NPC1: variants seen among roughly 807,000 people sequenced by gnomAD.
The protein encoded by NPC1 is NPC intracellular cholesterol transporter 1.
A neutral mutation model predicts 140.4 loss-of-function variants in NPC1; 85 were observed. That is an observed-to-expected ratio of 0.61 (90% confidence interval 0.51 to 0.72). NPC1 has a LOEUF of 0.72. Among genes scored for constraint, NPC1 ranks in the 30% least tolerant of loss-of-function variants. The pLI, the probability that NPC1 is intolerant of heterozygous loss-of-function variation, is 0.00. For missense variants in NPC1, 1,504 were observed against 1,623.8 expected (o/e 0.93, Z 1.27); for synonymous variants, 656 against 624.8 (o/e 1.05, Z -0.74).
chr18:23,527,928 G>C (rs142968496), downstream of NPC1: 1,489 of 1,544,750 alleles, frequency 9.6e-4, 13 homozygotes, highest in African/African-American at 0.018. Context: ...ATGACAAAGG[G>C]TCCTCCTCCC....
chr18:23,523,945 T>C (rs891387), intron 1 of NPC1, among the ~76,000 whole-genome samples: 84,424 of 151,984 alleles, frequency 0.56, 24,251 homozygotes, highest in East Asian at 0.91. Flanking sequence ...CCTGGATTGT[T>C]AGCTCCTTCC....
At chr18:23,525,969 A>G (rs946778604), downstream of NPC1, among the ~76,000 whole-genome samples, 1 of 152,146 alleles carries the variant, frequency 6.6e-6, no homozygotes, top group African/African-American at 2.4e-5. Context: ...CATCCACTGT[A>G]TGTATGTAAT....
chr18:23,531,853 C>T lies in NPC1; in HGVS notation c.*349G>A, dbSNP rs886053663. On this transcript the variant is annotated 3_prime_UTR_variant, in exon 25 of 25. Transcript: ENST00000269228. ...TATAGAACTTGTGGGATGGCTTACT[C>T]CTAAAAGGAGAGACAGACAGTGCAT... is the stretch of plus-strand genomic sequence containing the variant. The T allele has an allele frequency of 3.4e-6, 5 of 1,454,426 alleles. No individual in the cohort carries two copies. Among genetic ancestry groups the T allele is most frequent in the Non-Finnish European group, 9.0e-7 (1 of 1,112,050 alleles). The allele number at this position is 1,454,426 out of a possible 1,614,324, so 90.1% of individuals were successfully genotyped here.
chr18:23,584,812 T>C (rs2059396806), intron 1 of NPC1, among the ~76,000 whole-genome samples: 2 of 152,120 alleles, frequency 1.3e-5, no homozygotes, highest in Non-Finnish European at 1.5e-5. Context: ...TGAGCCGAGA[T>C]TGCGCCACTA....
intron 3 of NPC1, chr18:23,507,171 T>C (rs2057736836): frequency 1.5e-6 from 1 of 686,838 alleles, no homozygotes; most frequent in Non-Finnish European, 2.5e-6. Flanking sequence ...TTGTGAAAGG[T>C]ATAGTTATGT....
At chr18:23,518,909 CTCT>C (rs751028946), downstream of NPC1, 4 of 1,614,078 alleles carry the variant, frequency 2.5e-6, no homozygotes, top group African/African-American at 2.7e-5. Flanking sequence ...GCTGTATGTT[CTCT>C]TCTTGAGGCA....
At chr18:23,577,758 G>T (rs1205442810) in intron 1 of NPC1, among the ~76,000 whole-genome samples, 1 of 152,250 alleles carries the variant, frequency 6.6e-6, no homozygotes, top group Non-Finnish European at 1.5e-5. Context: ...CGGGCTGCAG[G>T]TCCCGAGCCC....
chr18:23,525,645 G>C (rs565799137), downstream of NPC1, among the ~76,000 whole-genome samples: 46 of 151,984 alleles, frequency 3.0e-4, 1 homozygote, highest in Middle Eastern at 6.8e-3. Context: ...GGATGGTCTC[G>C]ATCTCCTGAC....
chr18:23,553,703 C>A (rs2058907706), intron 9 of NPC1, among the ~76,000 whole-genome samples: 1 of 152,186 alleles, frequency 6.6e-6, no homozygotes, highest in Admixed American at 6.6e-5. Flanking sequence ...GTAGGCCCAT[C>A]CGGCATCATG....
Position 23,539,449 on chromosome 18 carries a change from G to C in NPC1, c.2817C>G (p.Pro939=), listed in dbSNP as rs747681496. The C allele has an allele frequency of 1.2e-5, 20 of 1,613,140 alleles. No homozygotes were observed. The highest frequency in any genetic ancestry group is 1.7e-5 in the Non-Finnish European group (20 of 1,179,536). The change falls in exon 19 of 25, where the codon CCC becomes CCG. Residue 939 remains proline (P), a synonymous_variant. Transcript: ENST00000269228. ...LDNYTRIGFA[P]SSWIDDYFDW... ...CGAAATAATCGTCGATCCAGGACGA[G>C]GGGGCGAAGCCTATTCGGGTACTAG...
intron 1 of NPC1, among the ~76,000 whole-genome samples, chr18:23,574,518 A>G (rs2059247595): frequency 6.6e-6 from 1 of 152,228 alleles, no homozygotes. Flanking sequence ...TGACCTGCAC[A>G]CAGGCAAGAA....
chr18:23,567,543 AAC>A (rs1315060317), intron 4 of NPC1, among the ~76,000 whole-genome samples: 1 of 152,168 alleles, frequency 6.6e-6, no homozygotes, highest in Non-Finnish European at 1.5e-5. Context: ...AGTCCTTACT[AAC>A]ATGTCTTTTG....
chr18:23,573,375 A>G lies in NPC1; in HGVS notation c.180+77T>C, dbSNP rs974618938. 1.5e-5 allele frequency: 24 copies of G among 1,601,396 alleles called. No homozygotes were observed. The Admixed American group carries it at 3.0e-4, about 20-fold the overall frequency. The stretch of plus-strand genomic sequence containing the variant: ...GTCTCATCTCCACCTCCACCCTGCA[A>G]TAACATTTAAGGAATAATTACAGAG... On this transcript the variant is annotated intron_variant, in intron 2 of 24. Coordinates refer to ENST00000269228, the MANE Select transcript of NPC1 (RefSeq NM_000271.5).
downstream of NPC1, chr18:23,520,317 A>T (rs2058110130): frequency 6.2e-7 from 1 of 1,608,444 alleles, no homozygotes; most frequent in South Asian, 1.1e-5. Context: ...ATCACAGGTA[A>T]CACGGGTTCT....
chr18:23,533,777 G>C (rs2058580184), intron 23 of NPC1: 2 of 478,198 alleles, frequency 4.2e-6, no homozygotes, highest in Non-Finnish European at 7.6e-6. Context: ...AAGTGCTGGG[G>C]TTATAGGCAT....
intron 21 of NPC1, among the ~76,000 whole-genome samples, chr18:23,536,237 A>G (rs945401520): frequency 6.6e-6 from 1 of 152,170 alleles, no homozygotes; most frequent in African/African-American, 2.4e-5. Flanking sequence ...AGTAGTTCAT[A>G]CATAATACTT....
chr18:23,549,742 CTTTTTT>C (rs1000073339), intron 10 of NPC1, among the ~76,000 whole-genome samples: 1 of 138,006 alleles, frequency 7.2e-6, no homozygotes, highest in African/African-American at 2.7e-5. Context: ...TTTTTCACAA[CTTTTTT>C]TTTTTTTTTT....
In NPC1 at chr18:23,539,924, C is replaced by T; in HGVS notation, c.2682G>A (p.Glu894=). The change falls in exon 18 of 25, where the codon GAG becomes GAA. Residue 894 remains glutamate (E), a synonymous_variant. Transcript: ENST00000269228. ...TGGAAGAAGTGTAGTCGTGCCCTTC[C>T]TCCAGGACAAAGTACACAGGCGGAC... The part of the protein sequence containing the change: ...HAGPPVYFVL[E]EGHDYTSSKG... The T allele has an allele frequency of 6.2e-7, 1 of 1,614,130 alleles. No individual in the cohort carries two copies. Among genetic ancestry groups the T allele is most frequent in the South Asian group, 1.1e-5 (1 of 91,082 alleles).
downstream of NPC1, chr18:23,529,262 G>A (rs776280516): frequency 1.9e-6 from 3 of 1,613,772 alleles, no homozygotes; most frequent in African/African-American, 1.3e-5. Context: ...AGTCAGATGT[G>A]TACACCCATG....
Sources: gnomAD v4.1 joint callset for allele counts (sites outside exome capture counted in the v4.1 genomes callset) on GRCh38, gnomAD v4.1.1 for gene constraint, MANE v1.5 for transcripts, NCBI Gene and HGNC (gene_info 2026-07-23, HGNC 2026-07-21) for gene names.